The following GUCY1A2 variants were observed in gnomAD, a reference collection of about 807,000 sequenced individuals.
The protein encoded by GUCY1A2 is guanylate cyclase 1 soluble subunit alpha 2.
Under a neutral mutation model 63.5 loss-of-function variants are expected in GUCY1A2, and 27 were observed. The ratio of observed to expected loss-of-function variants is 0.43; its 90% CI spans 0.31 to 0.59. The LOEUF (loss-of-function observed/expected upper bound fraction) is 0.59. GUCY1A2 is among the 20% of genes least tolerant of loss of function. GUCY1A2 has a pLI of 0.11. For missense variants in GUCY1A2, 768 were observed against 913.3 expected (o/e 0.84, Z 2.05); for synonymous variants, 364 against 343.5 (o/e 1.06, Z -0.66).
At chr11:106,999,823 A>G (rs1861589785) in intron 1 of GUCY1A2, among the ~76,000 whole-genome samples, 1 of 152,154 alleles carries the variant, frequency 6.6e-6, no homozygotes, top group Non-Finnish European at 1.5e-5. Flanking sequence ...AAACAATTGG[A>G]TATTTGTGTT....
chr11:106,860,832 G>C (rs1591305294), intron 4 of GUCY1A2, among the ~76,000 whole-genome samples: 2 of 151,876 alleles, frequency 1.3e-5, no homozygotes, highest in Admixed American at 1.3e-4. Context: ...ATCTTCTGTT[G>C]CTGCCACTGA....
chr11:106,826,973 A>G (rs982798585), intron 4 of GUCY1A2: 84 of 1,610,400 alleles, frequency 5.2e-5, no homozygotes, highest in Middle Eastern at 2.3e-4. Context: ...TCGCAGCCAT[A>G]TATCTTTTCA....
At chr11:106,947,871 G>C (rs1443914186) in intron 3 of GUCY1A2, among the ~76,000 whole-genome samples, 1 of 151,928 alleles carries the variant, frequency 6.6e-6, no homozygotes, top group African/African-American at 2.4e-5. Context: ...AGTAAATAAA[G>C]AGCTTCCAAA....
intron 7 of GUCY1A2, among the ~76,000 whole-genome samples, chr11:106,706,277 A>G (rs1207442120): frequency 6.6e-6 from 1 of 152,180 alleles, no homozygotes; most frequent in Non-Finnish European, 1.5e-5. Flanking sequence ...TGAGCTTAAT[A>G]CTGGGTTTTA....
At chr11:106,952,177 C>G (rs1480914117) in intron 3 of GUCY1A2, among the ~76,000 whole-genome samples, 3 of 152,134 alleles carry the variant, frequency 2.0e-5, no homozygotes, top group East Asian at 3.9e-4. Context: ...AGCATGAGGT[C>G]TCCAGCTTTG....
chr11:106,776,899 G>A (rs906970915), intron 5 of GUCY1A2, among the ~76,000 whole-genome samples: 7 of 151,992 alleles, frequency 4.6e-5, no homozygotes, highest in African/African-American at 1.7e-4. Context: ...CCAAATAATC[G>A]CCTTTTCCAG....
chr11:106,894,788 A>T (rs994133521), intron 4 of GUCY1A2, among the ~76,000 whole-genome samples: 1 of 152,148 alleles, frequency 6.6e-6, no homozygotes, highest in East Asian at 1.9e-4. Flanking sequence ...AACACCACTG[A>T]ATGCATATAT....
intron 4 of GUCY1A2, among the ~76,000 whole-genome samples, chr11:106,869,542 T>C (rs1859644023): frequency 6.6e-6 from 1 of 152,156 alleles, no homozygotes. Context: ...GAAATGCAAA[T>C]CATAACCACA....
intron 4 of GUCY1A2, among the ~76,000 whole-genome samples, chr11:106,875,847 T>C (rs1859741567): frequency 6.6e-6 from 1 of 152,076 alleles, no homozygotes. Context: ...TTTTTATCTA[T>C]TATGCATGCA....
intron 4 of GUCY1A2, among the ~76,000 whole-genome samples, chr11:106,933,734 A>T (rs930798804): frequency 1.3e-4 from 20 of 152,234 alleles, no homozygotes; most frequent in Admixed American, 1.3e-3. Flanking sequence ...ACAATGTAGT[A>T]CATATATATC....
At chr11:106,770,552 T>C (rs770861730) in intron 6 of GUCY1A2, among the ~76,000 whole-genome samples, 3 of 151,836 alleles carry the variant, frequency 2.0e-5, no homozygotes, top group Non-Finnish European at 4.4e-5. Flanking sequence ...AATAACAACA[T>C]CAGGTTTCCT....
chr11:106,713,166 C>T (rs978793651), intron 6 of GUCY1A2, among the ~76,000 whole-genome samples: 5 of 152,136 alleles, frequency 3.3e-5, no homozygotes, highest in African/African-American at 1.2e-4. Context: ...TAATTTGTTT[C>T]TTATCTCTCA....
At chr11:106,894,674 C>T (rs1321918043) in intron 4 of GUCY1A2, among the ~76,000 whole-genome samples, 1 of 151,772 alleles carries the variant, frequency 6.6e-6, no homozygotes, top group Non-Finnish European at 1.5e-5. Context: ...TAACCTATGT[C>T]AAAAAAGAAA....
In GUCY1A2 at chr11:106,702,611, C is replaced by T. The variant is rs571154292; in HGVS notation, c.1991+5901G>A. Among the ~76,000 whole-genome samples, 40 of 152,102 alleles carry T rather than the reference C, an allele frequency of 2.6e-4. No individual in the cohort carries two copies. In the South Asian group the frequency reaches 2.7e-3, roughly 10 times the overall value. Reference sequence around the variant, plus strand: ...GATTCCTGTCTTCAGGAATCTATATCTTAAGTCCCAGTAAAAATCCTTTAC... The same window carrying T: ...GATTCCTGTCTTCAGGAATCTATATTTTAAGTCCCAGTAAAAATCCTTTAC... On this transcript the variant is annotated intron_variant, in intron 7 of 7. Transcript: ENST00000526355.
chr11:106,777,310 G>T (rs183794054), intron 5 of GUCY1A2, among the ~76,000 whole-genome samples: 1 of 151,970 alleles, frequency 6.6e-6, no homozygotes, highest in Non-Finnish European at 1.5e-5. Context: ...AACTGGGCAC[G>T]GTGGTGCGTG....
At chr11:106,747,662 T>TAATC (rs1310934950) in intron 6 of GUCY1A2, among the ~76,000 whole-genome samples, 1 of 152,222 alleles carries the variant, frequency 6.6e-6, no homozygotes, top group Non-Finnish European at 1.5e-5. Context: ...AACTGGAAGA[T>TAATC]AATCAATTAC....
intron 6 of GUCY1A2, among the ~76,000 whole-genome samples, chr11:106,714,015 TC>T (rs1235954084): frequency 1.6e-5 from 2 of 122,824 alleles, no homozygotes; most frequent in African/African-American, 7.2e-5. Flanking sequence ...TTTTTTCTTT[TC>T]TTTCTGTTAA....
chr11:106,700,880 TC>T (rs1165924589), intron 7 of GUCY1A2, among the ~76,000 whole-genome samples: 1 of 151,980 alleles, frequency 6.6e-6, no homozygotes, highest in Non-Finnish European at 1.5e-5. Flanking sequence ...ACATTAAGCG[TC>T]CATAGGAAGA....
chr11:106,900,525 T>C (rs2135484543), intron 4 of GUCY1A2, among the ~76,000 whole-genome samples: 1 of 152,366 alleles, frequency 6.6e-6, no homozygotes, highest in South Asian at 2.1e-4. Context: ...AGTAAACATA[T>C]TTATACTTGA....
Sources: allele counts gnomAD v4.1 joint callset (sites outside exome capture counted in the v4.1 genomes callset), GRCh38; gene constraint gnomAD v4.1.1; transcripts MANE v1.5; gene names NCBI Gene and HGNC (gene_info 2026-07-23, HGNC 2026-07-21).